Variants in DPY19L4 observed in about 807,000 individuals in gnomAD.
The protein encoded by DPY19L4 is dpy-19 like 4.
In DPY19L4, 97 loss-of-function variants were observed where a neutral mutation model predicts 102.8. The ratio of observed to expected loss-of-function variants is 0.94; its 90% confidence interval spans 0.80 to 1.12. DPY19L4 has a LOEUF of 1.12. Among genes scored for constraint, DPY19L4 ranks in the 50% most tolerant of loss-of-function variants. The pLI is 0.00. For missense variants in DPY19L4, 815 were observed against 850.4 expected, an observed-to-expected ratio of 0.96 and a Z score of 0.52; for synonymous variants, 252 against 283.1, an observed-to-expected ratio of 0.89 and a Z score of 1.10.
At chr8:94,742,851 C>T (rs566867419) in intron 6 of DPY19L4, among the ~76,000 whole-genome samples, 1 of 151,382 alleles carries the variant, frequency 6.6e-6, no homozygotes, top group Non-Finnish European at 1.5e-5. Context: ...AGCCACCGCG[C>T]CCGGCCAATG....
At chr8:94,734,082 C>T (rs1385441367) in intron 2 of DPY19L4, among the ~76,000 whole-genome samples, 6 of 133,674 alleles carry the variant, frequency 4.5e-5, no homozygotes, top group East Asian at 2.2e-4. Flanking sequence ...TTTTTTGAGA[C>T]GGAATCTTGC....
chr8:94,788,652 C>T (rs1813764130), intron 18 of DPY19L4, among the ~76,000 whole-genome samples: 1 of 150,236 alleles, frequency 6.7e-6, no homozygotes, highest in South Asian at 2.1e-4. Flanking sequence ...CGCGCGCGCG[C>T]ATGTGTCTTC....
intron 12 of DPY19L4, among the ~76,000 whole-genome samples, chr8:94,769,282 A>G (rs1812821559): frequency 6.6e-6 from 1 of 151,770 alleles, no homozygotes; most frequent in South Asian, 2.1e-4. Context: ...GTTGGTCTCA[A>G]ACTCCCGACC....
intron 8 of DPY19L4, among the ~76,000 whole-genome samples, chr8:94,762,872 C>T (rs1812453522): frequency 6.6e-6 from 1 of 152,118 alleles, no homozygotes; most frequent in African/African-American, 2.4e-5. Flanking sequence ...ACCCAGAAGA[C>T]TCCATCTTGC....
At chr8:94,732,326 A>G (rs1239425178) in intron 2 of DPY19L4, among the ~76,000 whole-genome samples, 2 of 152,076 alleles carry the variant, frequency 1.3e-5, no homozygotes, top group East Asian at 1.9e-4. Flanking sequence ...TGCTTATTAT[A>G]CTCAATGGCT....
chr8:94,771,484 A>T (rs1363238557), intron 13 of DPY19L4, among the ~76,000 whole-genome samples: 2 of 152,238 alleles, frequency 1.3e-5, no homozygotes, highest in Non-Finnish European at 2.9e-5. Context: ...TTATGGCCTA[A>T]TGGAGGTGAC....
At position 94,777,653 on chromosome 8, in the gene DPY19L4, T is replaced by C. The variant is rs753770903; in HGVS notation, c.1455-13T>C. ...CAGGATGTCTCATGTATGACTCCAT[T>C]TGTGTTTTCTAGCTTGAAGTACATC... On this transcript the variant is annotated splice_polypyrimidine_tract_variant and intron_variant, in intron 13 of 18. Transcript: ENST00000414645. 1 of 1,610,018 alleles carries C rather than the reference T, an allele frequency of 6.2e-7. No homozygotes were observed. The highest frequency in any genetic ancestry group is 2.2e-5 in the East Asian group (1 of 44,796).
At chr8:94,748,304 C>T (rs972288501) in intron 6 of DPY19L4, among the ~76,000 whole-genome samples, 3 of 152,232 alleles carry the variant, frequency 2.0e-5, no homozygotes. Flanking sequence ...TTTGACTGCA[C>T]TAATATGTGA....
chr8:94,731,745 TTTTG>T (rs549123006), intron 2 of DPY19L4, among the ~76,000 whole-genome samples: 11 of 151,688 alleles, frequency 7.3e-5, no homozygotes, highest in African/African-American at 9.7e-5. Flanking sequence ...TGCAGAGTGT[TTTTG>T]TTTGTTTGTT....
intron 16 of DPY19L4, among the ~76,000 whole-genome samples, chr8:94,782,372 C>G (rs1281542730): frequency 6.6e-6 from 1 of 152,074 alleles, no homozygotes; most frequent in Non-Finnish European, 1.5e-5. Flanking sequence ...GGGCAATTCT[C>G]AATGTCAAGC....
intron 1 of DPY19L4, among the ~76,000 whole-genome samples, chr8:94,723,055 G>A (rs1217188605): frequency 6.6e-6 from 1 of 152,228 alleles, no homozygotes; most frequent in Non-Finnish European, 1.5e-5. Flanking sequence ...AAGTCTGTTT[G>A]TAGCCCTACT....
chr8:94,773,092 T>C (rs1482325905), intron 13 of DPY19L4, among the ~76,000 whole-genome samples: 2 of 151,674 alleles, frequency 1.3e-5, no homozygotes, highest in Non-Finnish European at 2.9e-5. Context: ...CAGGCACCTG[T>C]AATCCCAGCT....
At chr8:94,755,666 G>A (rs1393049580) in intron 6 of DPY19L4, among the ~76,000 whole-genome samples, 2 of 151,966 alleles carry the variant, frequency 1.3e-5, no homozygotes, top group African/African-American at 2.4e-5. Flanking sequence ...AGGTCGAGGC[G>A]GGTGGATCAC....
At chr8:94,762,909 C>A (rs1054704811) in intron 8 of DPY19L4, among the ~76,000 whole-genome samples, 1 of 152,138 alleles carries the variant, frequency 6.6e-6, no homozygotes, top group East Asian at 1.9e-4. Context: ...TACTTCAACC[C>A]CCAACAGGGT....
At chr8:94,748,574 A>G in intron 6 of DPY19L4, among the ~76,000 whole-genome samples, 1 of 152,132 alleles carries the variant, frequency 6.6e-6, no homozygotes, top group East Asian at 1.9e-4. Context: ...CCTGTTAGGA[A>G]CCTGGCCTCA....
intron 9 of DPY19L4, 85 bp downstream of exon 9, chr8:94,765,399 C>CA: frequency 7.7e-7 from 1 of 1,304,080 alleles, no homozygotes. Context: ...GGCTGGAGTA[C>CA]ATCTCAGCTC....
chr8:94,725,796 A>G (rs1810661854), intron 1 of DPY19L4, among the ~76,000 whole-genome samples: 1 of 151,786 alleles, frequency 6.6e-6, no homozygotes, highest in South Asian at 2.1e-4. Context: ...CCACCATGCC[A>G]GGCTAATTTT....
intron 6 of DPY19L4, 84 bp downstream of exon 6, chr8:94,739,874 A>G: frequency 6.7e-7 from 1 of 1,492,396 alleles, no homozygotes; most frequent in Non-Finnish European, 9.1e-7. Flanking sequence ...CCTCCCCAAC[A>G]GTCCTCACTC....
rs761125239 is a variant in DPY19L4 at position 94,739,757 on chromosome 8, G to A, written c.578G>A (p.Gly193Glu). ...CTTATGAGTGGAACATGGCTAGCAG[G>A]AATGCTTACTGTTGCGTGGTTCGTT... ...SWLMSGTWLA[G>E]MLTVAWFVIN... The change falls in exon 6 of 19, where the codon GGA (glycine) becomes GAA (glutamate). Residue 193 changes from glycine (G) to glutamate (E), a missense_variant. By Grantham distance (98) the Gly-to-Glu change is moderately conservative. Coordinates refer to ENST00000414645, the MANE Select transcript of DPY19L4 (RefSeq NM_181787.3). 8.7e-6 allele frequency: 14 copies of A among 1,612,634 alleles called. No individual in the cohort carries two copies. The highest frequency in any genetic ancestry group is 1.1e-5 in the Non-Finnish European group (13 of 1,180,042).
Sources: gnomAD v4.1 joint callset for allele counts (sites outside exome capture counted in the v4.1 genomes callset) on GRCh38, gnomAD v4.1.1 for gene constraint, MANE v1.5 for transcripts, NCBI Gene and HGNC (gene_info 2026-07-23, HGNC 2026-07-21) for gene names.